The following BRAF variants were observed in gnomAD, a reference collection of about 807,000 sequenced individuals.
BRAF encodes the protein serine/threonine-protein kinase B-raf.
A neutral mutation model predicts 104.6 loss-of-function variants in BRAF; 16 were observed. That is an observed-to-expected ratio of 0.15 (90% CI 0.10 to 0.23). The LOEUF (loss-of-function observed/expected upper bound fraction) is 0.23, where lower values mean the gene tolerates loss of function less well. BRAF is among the 10% of genes least tolerant of loss of function. The pLI, the probability that BRAF is intolerant of heterozygous loss-of-function variation, is 1.00. For synonymous variants in BRAF, 310 were observed against 341.6 expected, an observed-to-expected ratio of 0.91 and a Z score of 1.02; for missense variants, 541 against 937.3, an observed-to-expected ratio of 0.58 and a Z score of 5.52.
intron 1 of BRAF, among the ~76,000 whole-genome samples, chr7:140,867,381 T>A (rs982001532): frequency 6.6e-6 from 1 of 152,186 alleles, no homozygotes. Flanking sequence ...ATAATTCCAA[T>A]TTAGGTAAAA....
At chr7:140,765,383 G>A (rs544997442) in intron 14 of BRAF, among the ~76,000 whole-genome samples, 1 of 152,018 alleles carries the variant, frequency 6.6e-6, no homozygotes, top group South Asian at 2.1e-4. Flanking sequence ...CAGGACATAG[G>A]CATGGGCAAG....
At chr7:140,849,137 G>A (rs552226644) in intron 2 of BRAF, among the ~76,000 whole-genome samples, 2 of 152,158 alleles carry the variant, frequency 1.3e-5, no homozygotes, top group African/African-American at 4.8e-5. Flanking sequence ...AGGGTGTGTA[G>A]GGTAGTAGTG....
intron 2 of BRAF, among the ~76,000 whole-genome samples, chr7:140,847,805 C>A (rs770321366): frequency 6.6e-6 from 1 of 151,906 alleles, no homozygotes; most frequent in East Asian, 1.9e-4. Flanking sequence ...GAAACTAAGC[C>A]AGAGTTGGGA....
Position 140,825,437 on chromosome 7 carries a change from C to CGTAT in BRAF, c.504+9171_504+9172insATAC, listed in dbSNP as rs1392758929. On this transcript the variant is annotated intron_variant, in intron 3 of 19. Transcript: ENST00000644969. ...TTTTGATTAACCCAATAAACTAATACGTTCATTATAGACTGTGCTTCTGGT... is the reference window on the plus strand; with the variant it reads ...TTTTGATTAACCCAATAAACTAATACGTATGTTCATTATAGACTGTGCTTCTGGT... Among the ~76,000 whole-genome samples the CGTAT allele has an allele frequency of 4.6e-5, 7 of 152,282 alleles. No individual in the cohort carries two copies. The East Asian group carries it at 1.3e-3, about 29-fold the overall frequency.
intron 1 of BRAF, among the ~76,000 whole-genome samples, chr7:140,908,110 A>G (rs994751812): frequency 2.6e-5 from 4 of 152,184 alleles, no homozygotes; most frequent in African/African-American, 9.7e-5. Flanking sequence ...TTTAACAGTG[A>G]TTGTTTTAAA....
intron 1 of BRAF, among the ~76,000 whole-genome samples, chr7:140,888,687 T>C (rs930305635): frequency 6.6e-6 from 1 of 151,818 alleles, no homozygotes; most frequent in Non-Finnish European, 1.5e-5. Flanking sequence ...AGTACAAAAT[T>C]AGAAGGGTGC....
chr7:140,718,104 GT>G (rs775654172), downstream of BRAF, among the ~76,000 whole-genome samples: 10 of 151,934 alleles, frequency 6.6e-5, no homozygotes, highest in East Asian at 1.7e-3. Context: ...CAGGTGAAGT[GT>G]TTTTTTTGAG....
In BRAF at chr7:140,765,855, C is replaced by A. The variant is rs1313519415; in HGVS notation, c.1814+11057G>T. Among the ~76,000 whole-genome samples the A allele has an allele frequency of 2.7e-5, 4 of 150,056 alleles. No homozygotes were observed. The East Asian group carries it at 7.8e-4, about 29-fold the overall frequency. ...GAACACTTTTACACTGTTGGTGGGA[C>A]TGTAAACTAGTTCAACCTTTGTGGA... On this transcript the variant is annotated intron_variant, in intron 14 of 19. Coordinates refer to ENST00000644969, the MANE Select transcript of BRAF (RefSeq NM_001374258.1).
In BRAF at chr7:140,763,209, C is replaced by T. The variant is rs566280235; in HGVS notation, c.1815-8976G>A. 2.1e-3 allele frequency among the ~76,000 whole-genome samples: 317 copies of T among 152,164 alleles called. 2 individuals are homozygous for T. Among genetic ancestry groups the T allele is most frequent in the Middle Eastern group, 0.014 (4 of 292 alleles). On this transcript the variant is annotated intron_variant, in intron 14 of 19. Coordinates refer to ENST00000644969, the MANE Select transcript of BRAF (RefSeq NM_001374258.1). ...CCGGGGAGAGGCGCCCCTCACCTCC[C>T]GGACGAGGCGGCTGGCCGGGCGGGG...
chr7:140,919,177 C>A (rs1586656977), intron 1 of BRAF, among the ~76,000 whole-genome samples: 2 of 151,070 alleles, frequency 1.3e-5, no homozygotes, highest in South Asian at 2.1e-4. Flanking sequence ...TTATTATTTA[C>A]AATGATAGAA....
intron 1 of BRAF, among the ~76,000 whole-genome samples, chr7:140,883,090 T>C (rs1270921515): frequency 1.3e-5 from 2 of 152,022 alleles, no homozygotes; most frequent in Non-Finnish European, 2.9e-5. Context: ...AAAAGATAAT[T>C]TTCCTATGGC....
chr7:140,892,065 G>A (rs1325062992), intron 1 of BRAF, among the ~76,000 whole-genome samples: 47 of 152,046 alleles, frequency 3.1e-4, no homozygotes, highest in Admixed American at 3.1e-3. Flanking sequence ...AGACCAGCCT[G>A]GCCAACATGG....
At chr7:140,916,084 TAGTC>T (rs1255674178) in intron 1 of BRAF, among the ~76,000 whole-genome samples, 1 of 152,222 alleles carries the variant, frequency 6.6e-6, no homozygotes, top group African/African-American at 2.4e-5. Context: ...GGTCAAAACT[TAGTC>T]AGTTTCTACC....
At chr7:140,885,357 C>T (rs1163717100) in intron 1 of BRAF, among the ~76,000 whole-genome samples, 2 of 151,920 alleles carry the variant, frequency 1.3e-5, no homozygotes, top group East Asian at 3.9e-4. Context: ...TTAATGTCTG[C>T]CTTAACAAAA....
At chr7:140,862,676 G>A (rs866764823) in intron 1 of BRAF, among the ~76,000 whole-genome samples, 10 of 152,118 alleles carry the variant, frequency 6.6e-5, no homozygotes, top group African/African-American at 2.2e-4. Context: ...CAATGAAGAC[G>A]GAAAGTAGAT....
At position 140,724,488 on chromosome 7, in the gene BRAF, A is replaced by T. The variant is rs1359827028; in HGVS notation, c.*2006T>A. On this transcript the variant is annotated 3_prime_UTR_variant, in exon 20 of 20. Transcript: ENST00000644969. ...CTTTGCAATTTCTGAATTTTGTAAG[A>T]CACTGCCCTGCTGATGTAAAACTTA... is the stretch of plus-strand genomic sequence containing the variant. 1 of 1,053,326 alleles carries T rather than the reference A, an allele frequency of 9.5e-7. No individual in the cohort carries two copies. Among genetic ancestry groups the T allele is most frequent in the East Asian group, 5.4e-5 (1 of 18,522 alleles). 65.2% of individuals were successfully genotyped at this position (1,053,326 alleles called of 1,614,324 possible).
chr7:140,763,341 C>G (rs1423366582), intron 14 of BRAF, among the ~76,000 whole-genome samples: 1 of 147,994 alleles, frequency 6.8e-6, no homozygotes, highest in Admixed American at 6.7e-5. Flanking sequence ...GGGGGCTGAC[C>G]CCCCCACCTC....
At position 140,859,027 on chromosome 7, in the gene BRAF, G is replaced by A. The variant is rs114247807; in HGVS notation, c.139-8815C>T. On this transcript the variant is annotated intron_variant, in intron 1 of 19. Coordinates refer to ENST00000644969, the MANE Select transcript of BRAF (RefSeq NM_001374258.1). ...AATCAAGGACATAAAATTACATGGT[G>A]TTCTAACACATTAGCCAGAGCCAAT... 2.8e-3 allele frequency among the ~76,000 whole-genome samples: 419 copies of A among 152,178 alleles called. 2 individuals carry two copies. Among genetic ancestry groups the A allele is most frequent in the African/African-American group, 9.6e-3 (399 of 41,542 alleles).
chr7:140,724,388 A>T lies in BRAF; in HGVS notation c.*2106T>A, dbSNP rs1585893613. On this transcript the variant is annotated 3_prime_UTR_variant, in exon 20 of 20. Coordinates refer to ENST00000644969, the MANE Select transcript of BRAF (RefSeq NM_001374258.1). The stretch of plus-strand genomic sequence containing the variant: ...CTAGAGATATATTTAAAAAGAAAAA[A>T]CAGCCAATGCTTTTCAAGAGAGGCA... 1.9e-6 allele frequency: 2 copies of T among 1,055,622 alleles called. No homozygotes were observed. The highest frequency in any genetic ancestry group is 2.3e-6 in the Non-Finnish European group (2 of 873,306). The allele number at this position is 1,055,622 out of a possible 1,614,324, so 65.4% of individuals were successfully genotyped here.
Sources: allele counts gnomAD v4.1 joint callset (sites outside exome capture counted in the v4.1 genomes callset), GRCh38; gene constraint gnomAD v4.1.1; transcripts MANE v1.5; gene names NCBI Gene and HGNC (gene_info 2026-07-23, HGNC 2026-07-21).